SNX30: variants seen among roughly 807,000 people sequenced by gnomAD.
SNX30 encodes sorting nexin family member 30.
Under a neutral mutation model 46.4 loss-of-function variants are expected in SNX30, and 24 were observed. The ratio of observed to expected loss-of-function variants is 0.52; its 90% CI spans 0.37 to 0.73. The LOEUF (loss-of-function observed/expected upper bound fraction) is 0.73. Among genes scored for constraint, SNX30 ranks in the 30% least tolerant of loss-of-function variants. The probability of loss-of-function intolerance (pLI) is 0.00; values close to 1 mark genes in which losing one functional copy is unlikely to be tolerated. For synonymous variants in SNX30, 189 were observed against 211.5 expected, an observed-to-expected ratio of 0.89 and a Z score of 0.92; for missense variants, 533 against 555.7, an observed-to-expected ratio of 0.96 and a Z score of 0.41.
chr9:112,867,313 C>T (rs62653646), intron 8 of SNX30, among the ~76,000 whole-genome samples: 6,305 of 144,984 alleles, frequency 0.043, 171 homozygotes, highest in Non-Finnish European at 0.066. Flanking sequence ...ACTCCTCCCA[C>T]CTCCTCAGAA....
At chr9:112,810,886 G>A (rs1442968803) in intron 2 of SNX30, among the ~76,000 whole-genome samples, 1 of 152,124 alleles carries the variant, frequency 6.6e-6, no homozygotes, top group Non-Finnish European at 1.5e-5. Flanking sequence ...CGGTTGGGGA[G>A]TGGTGGTCAG....
At position 112,804,984 on chromosome 9, in the gene SNX30, T is replaced by C. The variant is rs778087969; in HGVS notation, c.348+17T>C. 24 of 1,564,294 alleles carry C rather than the reference T, an allele frequency of 1.5e-5. No individual in the cohort carries two copies. The highest frequency in any genetic ancestry group is 1.4e-4 in the Admixed American group (8 of 55,980). ...ACCACCAAAGTAGGTCCCTGTGTTA[T>C]AGAATGCCCGTGTTGAGTGGTCTCG... On this transcript the variant is annotated intron_variant, in intron 2 of 8. Coordinates refer to ENST00000374232, the MANE Select transcript of SNX30 (RefSeq NM_001012994.2).
chr9:112,787,972 T>G (rs1264375710), intron 1 of SNX30, among the ~76,000 whole-genome samples: 1 of 152,062 alleles, frequency 6.6e-6, no homozygotes, highest in Non-Finnish European at 1.5e-5. Context: ...AATTTTTTTT[T>G]GTATGTTTAC....
chr9:112,843,895 C>T (rs535183120), intron 6 of SNX30, among the ~76,000 whole-genome samples: 99 of 152,250 alleles, frequency 6.5e-4, no homozygotes, highest in Non-Finnish European at 2.4e-4. Flanking sequence ...GTCTTAAAGA[C>T]CATCTTAAAG....
Position 112,812,250 on chromosome 9 carries a change from C to CATTT in SNX30, c.349-5438_349-5435dup, listed in dbSNP as rs1360710499. 1.8e-4 allele frequency among the ~76,000 whole-genome samples: 27 copies of CATTT among 151,972 alleles called. No homozygotes were observed. In the South Asian group the frequency reaches 1.9e-3, roughly 11 times the overall value. On this transcript the variant is annotated intron_variant, in intron 2 of 8. Coordinates refer to ENST00000374232, the MANE Select transcript of SNX30 (RefSeq NM_001012994.2). ...CTGGGTCAGAGAGTGTGCAAGCATC[C>CATTT]ATTTATTTATTTATTTATTTTTTGA... is the stretch of plus-strand genomic sequence containing the variant.
intron 3 of SNX30, among the ~76,000 whole-genome samples, chr9:112,820,599 A>G (rs1489370237): frequency 1.3e-5 from 2 of 152,232 alleles, no homozygotes; most frequent in Admixed American, 1.3e-4. Context: ...CTTTTAGTAT[A>G]TTCATAAAAT....
intron 5 of SNX30, among the ~76,000 whole-genome samples, chr9:112,880,755 T>A (rs1430021389): frequency 6.6e-6 from 1 of 152,210 alleles, no homozygotes; most frequent in East Asian, 1.9e-4. Context: ...TTCCTCTCCA[T>A]CCATTAGGCC....
At chr9:112,793,383 G>C (rs77183631) in intron 1 of SNX30, among the ~76,000 whole-genome samples, 10,381 of 152,166 alleles carry the variant, frequency 0.068, 455 homozygotes, top group Non-Finnish European at 0.099. Context: ...CCCATCATGC[G>C]GGGGGAGAAG....
intron 1 of SNX30, among the ~76,000 whole-genome samples, chr9:112,756,086 G>A (rs1588104086): frequency 6.6e-6 from 1 of 152,116 alleles, no homozygotes; most frequent in East Asian, 1.9e-4. Flanking sequence ...AAAGTTATCT[G>A]TACAGTTTAA....
chr9:112,751,481 T>C (rs1839275854), intron 1 of SNX30, among the ~76,000 whole-genome samples: 1 of 152,190 alleles, frequency 6.6e-6, no homozygotes, highest in Non-Finnish European at 1.5e-5. Flanking sequence ...GGTTCCGAGT[T>C]CCTCCAGGTG....
Position 112,768,797 on chromosome 9 carries a change from C to G in SNX30, c.156+17640C>G, listed in dbSNP as rs367641839. 2.6e-5 allele frequency among the ~76,000 whole-genome samples: 4 copies of G among 151,738 alleles called. No homozygotes were observed. In the South Asian group the frequency reaches 6.3e-4, roughly 24 times the overall value. On this transcript the variant is annotated intron_variant, in intron 1 of 8. Transcript: ENST00000374232. Reference sequence around the variant, plus strand: ...TCAGCATCCCAAGTAGCTGGGATTACGGGCACCTGCCACCACGCTGGCTAA... The same window carrying G: ...TCAGCATCCCAAGTAGCTGGGATTAGGGGCACCTGCCACCACGCTGGCTAA...
intron 2 of SNX30, among the ~76,000 whole-genome samples, chr9:112,811,344 ACGT>A (rs1840316464): frequency 6.6e-6 from 1 of 152,138 alleles, no homozygotes; most frequent in Admixed American, 6.5e-5. Flanking sequence ...GATAAAGACC[ACGT>A]CTCTCTGGAG....
intron 1 of SNX30, among the ~76,000 whole-genome samples, chr9:112,789,177 G>A (rs941642378): frequency 6.6e-6 from 1 of 152,178 alleles, no homozygotes; most frequent in African/African-American, 2.4e-5. Context: ...GTAGAAAGCT[G>A]TCTGCTTGTT....
Position 112,830,731 on chromosome 9 carries a change from C to G in SNX30, c.466C>G (p.Pro156Ala). The G allele has an allele frequency of 6.2e-7, 1 of 1,609,100 alleles. No individual in the cohort carries two copies. Among genetic ancestry groups the G allele is most frequent in the Non-Finnish European group, 8.5e-7 (1 of 1,178,774 alleles). ...SQPTHLIPPLPEKFVVKGVVD... is the reference protein window; with the variant it reads ...SQPTHLIPPLAEKFVVKGVVD... ...TTTCTTCATGTCTTCATAGCCTCTT[C>G]CCGAGAAGTTTGTGGTAAAAGGTGT... is the stretch of plus-strand genomic sequence containing the variant. The change falls in exon 4 of 9, where the codon CCC (proline) becomes GCC (alanine). Residue 156 changes from proline to alanine, a missense_variant. Physicochemically the swap from Pro to Ala is conservative, Grantham distance 27 (BLOSUM62 -1). Coordinates refer to ENST00000374232, the MANE Select transcript of SNX30 (RefSeq NM_001012994.2).
chr9:112,754,713 A>G (rs1011920138), intron 1 of SNX30, among the ~76,000 whole-genome samples: 2 of 152,130 alleles, frequency 1.3e-5, no homozygotes, highest in Non-Finnish European at 2.9e-5. Context: ...TTATATGGCT[A>G]TCTCCATCTA....
intron 8 of SNX30, among the ~76,000 whole-genome samples, chr9:112,865,716 TATAC>T (rs200250698): frequency 0.055 from 7,468 of 136,778 alleles, 259 homozygotes; most frequent in African/African-American, 0.07. Context: ...TATACACACA[TATAC>T]ATACATACAT....
intron 1 of SNX30, among the ~76,000 whole-genome samples, chr9:112,752,064 C>T (rs1253655681): frequency 6.6e-6 from 1 of 152,152 alleles, no homozygotes; most frequent in Non-Finnish European, 1.5e-5. Context: ...GATTTTCTCT[C>T]CCTAGTAAAA....
At chr9:112,812,068 T>G (rs558389732) in intron 2 of SNX30, among the ~76,000 whole-genome samples, 19 of 152,258 alleles carry the variant, frequency 1.2e-4, no homozygotes, top group African/African-American at 4.3e-4. Flanking sequence ...TCATTGTGAG[T>G]GTGTTTTGCT....
At position 112,866,579 on chromosome 9, in the gene SNX30, A is replaced by C. The variant is rs1314561490; in HGVS notation, c.1254+2180A>C. The C allele has an allele frequency of 8.5e-6, 4 of 468,624 alleles. No individual in the cohort carries two copies. The Admixed American group carries it at 9.5e-5, about 11-fold the overall frequency. 29.0% of individuals were successfully genotyped at this position (468,624 alleles called of 1,614,324 possible). Reference sequence around the variant, plus strand: ...CTTCCGTATATAAGGTGGGCTTCAGAGTTTAGCTTCCTCTCTAACCTCAGA... The same window carrying C: ...CTTCCGTATATAAGGTGGGCTTCAGCGTTTAGCTTCCTCTCTAACCTCAGA... On this transcript the variant is annotated intron_variant, in intron 8 of 8. Coordinates refer to ENST00000374232, the MANE Select transcript of SNX30 (RefSeq NM_001012994.2).
Sources: allele counts gnomAD v4.1 joint callset (sites outside exome capture counted in the v4.1 genomes callset), GRCh38; gene constraint gnomAD v4.1.1; transcripts MANE v1.5; gene names NCBI Gene and HGNC (gene_info 2026-07-23, HGNC 2026-07-21).